The following BAZ1B variants were observed in gnomAD, a reference collection of about 807,000 sequenced individuals.
BAZ1B encodes the protein tyrosine-protein kinase BAZ1B.
Under a neutral mutation model 153.8 loss-of-function variants are expected in BAZ1B, and 22 were observed. The ratio of observed to expected loss-of-function variants is 0.14; its 90% CI spans 0.10 to 0.20. BAZ1B has a LOEUF of 0.20. Ranked by LOEUF, BAZ1B falls within the 10% of genes least tolerant of loss-of-function variation. The pLI, the probability that BAZ1B is intolerant of heterozygous loss-of-function variation, is 1.00. For synonymous variants in BAZ1B, 676 were observed against 633.4 expected, an observed-to-expected ratio of 1.07 and a Z score of -1.01; for missense variants, 1,325 against 1,799.3, an observed-to-expected ratio of 0.74 and a Z score of 4.77.
At chr7:73,475,817 G>A (rs950087990) in intron 7 of BAZ1B, among the ~76,000 whole-genome samples, 47 of 152,030 alleles carry the variant, frequency 3.1e-4, no homozygotes, top group African/African-American at 1.1e-3. Flanking sequence ...CCAGCTACTC[G>A]GGAGGCTGAG....
chr7:73,464,491 T>C (rs781832489), intron 11 of BAZ1B, among the ~76,000 whole-genome samples: 25 of 152,126 alleles, frequency 1.6e-4, no homozygotes, highest in Non-Finnish European at 2.6e-4. Context: ...TCACTCCTAT[T>C]CTCCCCTTCC....
intron 6 of BAZ1B, among the ~76,000 whole-genome samples, chr7:73,482,473 A>C (rs77630902): frequency 6.6e-6 from 1 of 152,230 alleles, no homozygotes; most frequent in East Asian, 1.9e-4. Flanking sequence ...TAATGCTCAG[A>C]ACAACAGATT....
intron 12 of BAZ1B, among the ~76,000 whole-genome samples, chr7:73,460,055 C>T (rs1457387751): frequency 3.3e-5 from 5 of 151,904 alleles, no homozygotes; most frequent in South Asian, 2.1e-4. Flanking sequence ...ATTAGCCAGG[C>T]GTGGTGGCAC....
At position 73,449,833 on chromosome 7, in the gene BAZ1B, C is replaced by A. The variant is rs1787969348; in HGVS notation, c.3581-144G>T. ...CTACCCAGTTGTTGCTTTGTAAATG[C>A]AGGCATTTTCTAAAAAGAAATGAAG... is the stretch of plus-strand genomic sequence containing the variant. On this transcript the variant is annotated intron_variant, in intron 14 of 19. Transcript: ENST00000339594. 12 of 832,734 alleles carry A rather than the reference C, an allele frequency of 1.4e-5. No homozygotes were observed. The East Asian group carries it at 3.7e-4, about 26-fold the overall frequency. The allele number at this position is 832,734 out of a possible 1,614,324, so 51.6% of individuals were successfully genotyped here.
At chr7:73,454,883 G>A (rs1788136775) in intron 13 of BAZ1B, among the ~76,000 whole-genome samples, 2 of 151,676 alleles carry the variant, frequency 1.3e-5, no homozygotes, top group South Asian at 2.1e-4. Flanking sequence ...TTGAGACGGA[G>A]TCTCGCTCTG....
intron 3 of BAZ1B, among the ~76,000 whole-genome samples, chr7:73,501,631 G>A (rs1342077632): frequency 2.0e-5 from 3 of 152,090 alleles, no homozygotes; most frequent in Admixed American, 2.0e-4. Context: ...TAATGCCAAC[G>A]TTGAGAAACC....
At chr7:73,469,376 T>C in intron 9 of BAZ1B, 141 bp downstream of exon 9, 3 of 1,017,082 alleles carry the variant, frequency 2.9e-6, no homozygotes, top group Non-Finnish European at 4.2e-6. Context: ...ACATTTCACA[T>C]CTACCTACTT....
At chr7:73,481,166 G>T (rs1478490265) in intron 6 of BAZ1B, among the ~76,000 whole-genome samples, 1 of 151,578 alleles carries the variant, frequency 6.6e-6, no homozygotes, top group South Asian at 2.1e-4. Context: ...CAGGTGATCT[G>T]CCCACCTCCG....
chr7:73,491,061 G>A (rs1789620981), intron 5 of BAZ1B, among the ~76,000 whole-genome samples: 1 of 151,932 alleles, frequency 6.6e-6, no homozygotes, highest in African/African-American at 2.4e-5. Flanking sequence ...GCCGAGGCAG[G>A]CGGATCACAA....
intron 5 of BAZ1B, among the ~76,000 whole-genome samples, chr7:73,489,642 C>CT (rs1439277732): frequency 2.0e-5 from 3 of 152,230 alleles, no homozygotes; most frequent in African/African-American, 7.2e-5. Flanking sequence ...TAACAAGACC[C>CT]TCTGTGTACA....
chr7:73,469,043 G>A (rs1017868280), intron 9 of BAZ1B, among the ~76,000 whole-genome samples: 2 of 151,376 alleles, frequency 1.3e-5, no homozygotes, highest in African/African-American at 4.9e-5. Context: ...AGTAGGAGAA[G>A]TGTTTGAACC....
intron 7 of BAZ1B, among the ~76,000 whole-genome samples, chr7:73,472,916 T>TA (rs1788864656): frequency 6.7e-6 from 1 of 149,490 alleles, no homozygotes; most frequent in Non-Finnish European, 1.5e-5. Context: ...TAGCTGGAAT[T>TA]ACAGGCACCA....
chr7:73,518,905 C>T (rs782079125), intron 1 of BAZ1B, among the ~76,000 whole-genome samples: 5 of 152,154 alleles, frequency 3.3e-5, no homozygotes, highest in Admixed American at 6.6e-5. Flanking sequence ...ATCTACAACA[C>T]GCTGCTTGTA....
At chr7:73,461,655 A>G (rs1334636405) in intron 12 of BAZ1B, among the ~76,000 whole-genome samples, 5 of 152,258 alleles carry the variant, frequency 3.3e-5, no homozygotes, top group Non-Finnish European at 7.3e-5. Context: ...AAAAATGTGC[A>G]TATGTAAGAT....
chr7:73,510,968 AGAG>A (rs1554578498), intron 1 of BAZ1B, 116 bp from the exon 2 acceptor site: 1 of 854,870 alleles, frequency 1.2e-6, no homozygotes, highest in Non-Finnish European at 1.8e-6. Context: ...GTGTAGCATG[AGAG>A]GATAAAAATG....
rs181157713 is a variant in BAZ1B, at chr7:73,517,019, T to C, written c.107+4808A>G. ...CAACGTGGTAAAACCCCATCTCTAC[T>C]AAAAATACAAAAAATTAGCCAGGCG... On this transcript the variant is annotated intron_variant, in intron 1 of 19. Transcript: ENST00000339594. Among the ~76,000 whole-genome samples, 708 of 150,544 alleles carry C rather than the reference T, an allele frequency of 4.7e-3. 6 individuals are homozygous for C. The highest frequency in any genetic ancestry group is 7.4e-3 in the Non-Finnish European group (500 of 67,642).
Position 73,470,461 on chromosome 7 carries a change from T to C in BAZ1B, c.2616A>G (p.Glu872=). ...CTTTGTGCTTCCGTATTCGTTCTTCTTCAGCTTGGCGTTCCAGTTTCACTG... is the reference window on the plus strand; with the variant it reads ...CTTTGTGCTTCCGTATTCGTTCTTCCTCAGCTTGGCGTTCCAGTTTCACTG... ...EMKVKLERQA[E]EERIRKHKAA... is the part of the protein sequence containing the mutation. The change falls in exon 8 of 20, where the codon GAA becomes GAG. Residue 872 remains glutamate, a synonymous_variant. Coordinates refer to ENST00000339594, the MANE Select transcript of BAZ1B (RefSeq NM_032408.4). 3.1e-6 allele frequency: 5 copies of C among 1,613,576 alleles called. No homozygotes were observed. The highest frequency in any genetic ancestry group is 4.2e-6 in the Non-Finnish European group (5 of 1,179,860).
In BAZ1B at chr7:73,477,101, T is replaced by C; in HGVS notation, c.2360A>G (p.Glu787Gly). The C allele has an allele frequency of 1.2e-6, 2 of 1,614,242 alleles. No homozygotes were observed. Among genetic ancestry groups the C allele is most frequent in the Non-Finnish European group, 1.7e-6 (2 of 1,180,044 alleles). ...TTTCTCTGCTCTCTTCTTATCATTTTCTTCCTTCAACACAGCAAGCCGTTC... is the reference window on the plus strand; with the variant it reads ...TTTCTCTGCTCTCTTCTTATCATTTCCTTCCTTCAACACAGCAAGCCGTTC... ...WKERLAVLKE[E>G]NDKKRAEKQK... The change falls in exon 7 of 20, where the codon GAA (glutamate) becomes GGA (glycine). Residue 787 changes from glutamate (E) to glycine (G), a missense_variant. Glu to Gly is a moderately conservative substitution (Grantham distance 98). Transcript: ENST00000339594. This position sits in a 1 kb window ranked among gnomAD's most constrained non-coding sequence, Gnocchi z 5.6.
In BAZ1B at chr7:73,449,632, C is replaced by T; in HGVS notation, c.3638G>A (p.Cys1213Tyr). ...TACTTCATAGAGGGCCGGCCTCAGA[C>T]AAAACAGGTGGAAGGCTTTATTACA... The part of the protein sequence containing the change: ...DECNKAFHLF[C>Y]LRPALYEVPD... Residue 1213 changes from cysteine (C) to tyrosine (Y), a missense_variant, in exon 15 of 20, where the codon TGT becomes TAT. Physicochemically the swap from Cys to Tyr is radical, Grantham distance 194. Around this residue, in one of 9 missense-constraint regions of BAZ1B, gnomAD observed 21 missense variants for 58.3 expected, o/e 0.36. Transcript: ENST00000339594. 1 of 1,614,120 alleles carries T rather than the reference C, an allele frequency of 6.2e-7. No individual in the cohort carries two copies. Among genetic ancestry groups the T allele is most frequent in the Non-Finnish European group, 8.5e-7 (1 of 1,180,026 alleles).
Sources: gnomAD v4.1 joint callset for allele counts (sites outside exome capture counted in the v4.1 genomes callset) on GRCh38, gnomAD v4.1.1 for gene constraint, gnomAD v4.1.1 regional missense constraint, Gnocchi (gnomAD v3.1) non-coding constraint, MANE v1.5 for transcripts, NCBI Gene and HGNC (gene_info 2026-07-23, HGNC 2026-07-21) for gene names.